Variants in MALRD1 observed in about 807,000 individuals in gnomAD.
MALRD1 encodes the protein MAM and LDL-receptor class A domain-containing protein 1.
A neutral mutation model predicts 242.1 loss-of-function variants in MALRD1; 247 were observed. The ratio of observed to expected loss-of-function variants is 1.02; its 90% CI spans 0.92 to 1.13. The LOEUF is 1.13. Among genes scored for constraint, MALRD1 ranks in the 50% most tolerant of loss-of-function variants. MALRD1 has a pLI of 0.00. For missense variants in MALRD1, 2,989 were observed against 2,533.1 expected, an observed-to-expected ratio of 1.18 and a Z score of -3.86; for synonymous variants, 995 against 866.6, an observed-to-expected ratio of 1.15 and a Z score of -2.60.
chr10:19,146,334 C>T lies in MALRD1; in HGVS notation c.1548C>T (p.Asn516=), dbSNP rs1833725169. The T allele has an allele frequency of 8.1e-7, 1 of 1,231,276 alleles. No individual in the cohort carries two copies. 76.3% of individuals were successfully genotyped at this position (1,231,276 alleles called of 1,614,324 possible). A position where few individuals can be genotyped will look rare whatever the true frequency, so the allele number is the denominator to read the frequency against. The part of the protein sequence containing the change: ...HHFPAADHTA[N]INHGSFIYLE... ...TTCCTGCAGCTGATCACACAGCAAACATAAATCATGGTAGGACATTTTCCT... is the reference window on the plus strand; with the variant it reads ...TTCCTGCAGCTGATCACACAGCAAATATAAATCATGGTAGGACATTTTCCT... The change falls in exon 11 of 40, where the codon AAC becomes AAT. Residue 516 remains asparagine (N), a synonymous_variant. Transcript: ENST00000454679.
intron 26 of MALRD1, among the ~76,000 whole-genome samples, chr10:19,378,870 A>G (rs1845715593): frequency 2.0e-5 from 3 of 152,100 alleles, no homozygotes; most frequent in African/African-American, 4.8e-5. Context: ...ATGGAAGAGT[A>G]CATGTTGGGT....
At position 19,389,580 on chromosome 10, in the gene MALRD1, G is replaced by C; in HGVS notation, c.4816G>C (p.Ala1606Pro). The change falls in exon 28 of 40, where the codon GCC becomes CCC. Residue 1606 changes from alanine (A) to proline (P), a missense_variant. Coordinates refer to ENST00000454679, the MANE Select transcript of MALRD1 (RefSeq NM_001142308.3). ...MSFWYFVSAK[A>P]TGSIQILIKT... ...CTTCTGGTATTTCGTATCTGCAAAG[G>C]CCACAGGATCCATTCAGATTCTCAT... is the stretch of plus-strand genomic sequence containing the variant. 3.9e-6 allele frequency: 6 copies of C among 1,550,516 alleles called. No homozygotes were observed. Among genetic ancestry groups the C allele is most frequent in the Non-Finnish European group, 4.4e-6 (5 of 1,146,930 alleles).
intron 1 of MALRD1, among the ~76,000 whole-genome samples, chr10:19,057,730 A>G (rs530575358): frequency 4.6e-5 from 7 of 152,300 alleles, no homozygotes; most frequent in Non-Finnish European, 1.0e-4. Flanking sequence ...ATTACATTCT[A>G]GTACAAAATC....
chr10:19,299,631 T>A (rs961009409), intron 21 of MALRD1, among the ~76,000 whole-genome samples: 1 of 152,052 alleles, frequency 6.6e-6, no homozygotes, highest in Non-Finnish European at 1.5e-5. Flanking sequence ...CCTACATGAT[T>A]ATCTCAATAG....
chr10:19,152,149 A>G (rs1235740494), intron 11 of MALRD1, among the ~76,000 whole-genome samples: 2 of 152,162 alleles, frequency 1.3e-5, no homozygotes, highest in Non-Finnish European at 2.9e-5. Context: ...GAGTTTTACA[A>G]TAAACAAATC....
At chr10:19,280,792 A>G (rs967412859) in intron 20 of MALRD1, among the ~76,000 whole-genome samples, 8 of 152,226 alleles carry the variant, frequency 5.3e-5, no homozygotes, top group Admixed American at 3.9e-4. Context: ...TAGTTTAAAA[A>G]TGGGCTTCTC....
chr10:19,199,416 C>A (rs990028459), intron 14 of MALRD1, among the ~76,000 whole-genome samples: 24 of 152,104 alleles, frequency 1.6e-4, no homozygotes, highest in Non-Finnish European at 3.4e-4. Flanking sequence ...TAGCCTTTGC[C>A]ATCAGGTTTG....
chr10:19,234,797 G>A (rs1043510971), intron 18 of MALRD1, among the ~76,000 whole-genome samples: 1 of 152,104 alleles, frequency 6.6e-6, no homozygotes, highest in Non-Finnish European at 1.5e-5. Flanking sequence ...AACAAAGTGA[G>A]ACAAAGGCAC....
intron 1 of MALRD1, among the ~76,000 whole-genome samples, chr10:19,050,342 C>T (rs947972134): frequency 6.6e-6 from 1 of 151,394 alleles, no homozygotes; most frequent in South Asian, 2.1e-4. Flanking sequence ...CCGCCTCGGC[C>T]TCCCAAAGTG....
intron 19 of MALRD1, among the ~76,000 whole-genome samples, chr10:19,271,304 A>G (rs755431206): frequency 2.0e-5 from 3 of 152,226 alleles, no homozygotes; most frequent in Non-Finnish European, 4.4e-5. Context: ...TTAAAGTACT[A>G]TCTTGAGGAA....
Position 19,108,387 on chromosome 10 carries a change from C to CTTTTTTTTTTTT in MALRD1, c.694+4339_694+4350dup, listed in dbSNP as rs35948766. 1.5e-3 allele frequency among the ~76,000 whole-genome samples: 29 copies of CTTTTTTTTTTTT among 19,764 alleles called. 14 individuals are homozygous for CTTTTTTTTTTTT. The highest frequency in any genetic ancestry group is 2.1e-3 in the Non-Finnish European group (26 of 12,506). 13.0% of individuals were successfully genotyped at this position (19,764 alleles called of 152,430 possible). On this transcript the variant is annotated intron_variant, in intron 5 of 39. Coordinates refer to ENST00000454679, the MANE Select transcript of MALRD1 (RefSeq NM_001142308.3). Reference sequence around the variant, plus strand: ...TTATTGAGCTCATGAATTGTTTTTTCTTTTTTTTTTTTTTTTTTTTTTTTT... The same window carrying CTTTTTTTTTTTT: ...TTATTGAGCTCATGAATTGTTTTTTCTTTTTTTTTTTTTTTTTTTTTTTTTTTTTTTTTTTTT...
intron 26 of MALRD1, among the ~76,000 whole-genome samples, chr10:19,353,867 G>C (rs1359881699): frequency 6.7e-6 from 1 of 149,302 alleles, no homozygotes; most frequent in Non-Finnish European, 1.5e-5. Flanking sequence ...TTTTCTGGTG[G>C]TTTTGTTTGT....
At chr10:19,151,923 C>T (rs1833959797) in intron 11 of MALRD1, among the ~76,000 whole-genome samples, 1 of 151,968 alleles carries the variant, frequency 6.6e-6, no homozygotes, top group Admixed American at 6.6e-5. Flanking sequence ...TTGTTTATAA[C>T]TTTTGCATTT....
chr10:19,513,673 C>T lies in MALRD1; in HGVS notation c.5320+15027C>T, dbSNP rs575132631. On this transcript the variant is annotated intron_variant, in intron 31 of 39. Coordinates refer to ENST00000454679, the MANE Select transcript of MALRD1 (RefSeq NM_001142308.3). ...AGAATGGTGTGAACCCGGGAGGCGG[C>T]GGTTGCAGTGAGCTGAGATTGGGCC... is the stretch of plus-strand genomic sequence containing the variant. 3.7e-4 allele frequency among the ~76,000 whole-genome samples: 56 copies of T among 151,542 alleles called. No individual in the cohort carries two copies. The East Asian group carries it at 6.8e-3, about 18-fold the overall frequency.
At chr10:19,523,482 G>C (rs1020698365) in intron 31 of MALRD1, among the ~76,000 whole-genome samples, 1 of 152,008 alleles carries the variant, frequency 6.6e-6, no homozygotes, top group Non-Finnish European at 1.5e-5. Context: ...TTGCCTTCTC[G>C]CATGACCATG....
At chr10:19,529,293 ACT>A (rs1258065034) in intron 31 of MALRD1, among the ~76,000 whole-genome samples, 2 of 152,146 alleles carry the variant, frequency 1.3e-5, no homozygotes, top group Non-Finnish European at 2.9e-5. Flanking sequence ...AATTGAAAAT[ACT>A]CTGTTTTACA....
At chr10:19,262,492 C>T (rs944210060) in intron 19 of MALRD1, among the ~76,000 whole-genome samples, 7 of 151,838 alleles carry the variant, frequency 4.6e-5, no homozygotes, top group Admixed American at 3.3e-4. Context: ...GTGGTCTATA[C>T]TAAAAATACA....
At chr10:19,097,087 A>C (rs1366542812) in intron 4 of MALRD1, among the ~76,000 whole-genome samples, 1 of 152,216 alleles carries the variant, frequency 6.6e-6, no homozygotes, top group African/African-American at 2.4e-5. Flanking sequence ...AGCACTTACT[A>C]TGTGTAAGGC....
At chr10:19,364,106 A>G (rs930097525) in intron 26 of MALRD1, among the ~76,000 whole-genome samples, 2 of 152,120 alleles carry the variant, frequency 1.3e-5, no homozygotes, top group Non-Finnish European at 2.9e-5. Context: ...CAGTTTTTAC[A>G]TTAGAGGACA....
Sources: allele counts gnomAD v4.1 joint callset (sites outside exome capture counted in the v4.1 genomes callset), GRCh38; gene constraint gnomAD v4.1.1; transcripts MANE v1.5; gene names NCBI Gene and HGNC (gene_info 2026-07-23, HGNC 2026-07-21).